BACH2: variants seen among roughly 807,000 people sequenced by gnomAD.
BACH2 encodes transcription regulator protein BACH2.
In BACH2, 5 loss-of-function variants were observed where a neutral mutation model predicts 61.8. The observed-to-expected ratio is 0.08, with a 90% CI of 0.04 to 0.17. BACH2 has a LOEUF of 0.17. BACH2 is among the 10% of genes least tolerant of loss of function. BACH2 has a pLI of 1.00. For missense variants in BACH2, 824 were observed against 1,091.1 expected (o/e 0.76, Z 3.45); for synonymous variants, 446 against 440.1 (o/e 1.01, Z -0.17).
chr6:90,119,169 T>C (rs1783523767), intron 4 of BACH2, among the ~76,000 whole-genome samples: 1 of 152,244 alleles, frequency 6.6e-6, no homozygotes, highest in Non-Finnish European at 1.5e-5. Context: ...TCCATGTGCC[T>C]ATGACATTTG....
chr6:89,951,836 C>T lies in BACH2; in HGVS notation c.270G>A (p.Leu90=), dbSNP rs182328044. The part of the protein sequence containing the change: ...EEVTARGFGP[L]LQFAYTAKLL... Reference sequence around the variant, plus strand: ...GCTTGGCAGTGTAGGCAAACTGTAACAGCGGCCCAAAGCCCCTGGCTGTGA... The same window carrying T: ...GCTTGGCAGTGTAGGCAAACTGTAATAGCGGCCCAAAGCCCCTGGCTGTGA... The change falls in exon 7 of 9, where the codon CTG becomes CTA. Residue 90 remains leucine (L), a synonymous_variant. Transcript: ENST00000257749. The surrounding 1 kb of genome is among the most constrained non-coding windows in gnomAD (Gnocchi z 6.4). 1.2e-6 allele frequency: 2 copies of T among 1,613,056 alleles called. No individual in the cohort carries two copies. The highest frequency in any genetic ancestry group is 3.3e-5 in the Admixed American group (2 of 60,018).
At chr6:89,993,732 T>A (rs1776702027) in intron 6 of BACH2, among the ~76,000 whole-genome samples, 1 of 151,716 alleles carries the variant, frequency 6.6e-6, no homozygotes, top group Non-Finnish European at 1.5e-5. Context: ...GACATGTGGA[T>A]AGGGAGGAAG....
rs924012328 is a variant in BACH2, at chr6:89,986,515, A to G, written c.243+22087T>C. ...AAGAATTGTAGTGAATGATTTTTTT[A>G]AAGTTTTCTTTTAATTTTTATAATG... On this transcript the variant is annotated intron_variant, in intron 6 of 8. Coordinates refer to ENST00000257749, the MANE Select transcript of BACH2 (RefSeq NM_021813.4). Among the ~76,000 whole-genome samples, 4 of 152,154 alleles carry G rather than the reference A, an allele frequency of 2.6e-5. No individual in the cohort carries two copies. In the South Asian group the frequency reaches 6.2e-4, roughly 24 times the overall value.
intron 5 of BACH2, among the ~76,000 whole-genome samples, chr6:90,030,177 G>T (rs180869005): frequency 6.6e-6 from 1 of 151,996 alleles, no homozygotes; most frequent in African/African-American, 2.4e-5. Flanking sequence ...TTATGTCCAC[G>T]GCCTATCTCA....
At chr6:90,155,329 T>C (rs975185589) in intron 4 of BACH2, among the ~76,000 whole-genome samples, 1 of 152,208 alleles carries the variant, frequency 6.6e-6, no homozygotes, top group Non-Finnish European at 1.5e-5. Flanking sequence ...GCTAGTTATG[T>C]TTAACTATAA....
At chr6:90,160,574 T>C (rs1785157349) in intron 4 of BACH2, among the ~76,000 whole-genome samples, 1 of 152,210 alleles carries the variant, frequency 6.6e-6, no homozygotes, top group Non-Finnish European at 1.5e-5. Context: ...AAAAATAAAC[T>C]AAATGGGAAT....
intron 1 of BACH2, among the ~76,000 whole-genome samples, chr6:90,276,512 G>A (rs1255019664): frequency 1.3e-5 from 2 of 152,196 alleles, no homozygotes; most frequent in African/African-American, 2.4e-5. Flanking sequence ...CAGACAGGTT[G>A]CCTCTGGATA....
At chr6:90,245,758 CAA>C (rs1770613228) in intron 3 of BACH2, among the ~76,000 whole-genome samples, 1 of 152,068 alleles carries the variant, frequency 6.6e-6, no homozygotes, top group South Asian at 2.1e-4. Context: ...GAATTTGAAA[CAA>C]GAGAAGTCTG....
intron 6 of BACH2, among the ~76,000 whole-genome samples, chr6:89,964,592 T>C (rs1235710852): frequency 6.6e-6 from 1 of 152,208 alleles, no homozygotes. Flanking sequence ...TTTAGCCAGA[T>C]TACGACCCGA....
chr6:90,038,172 G>A (rs1779355780), intron 5 of BACH2, among the ~76,000 whole-genome samples: 2 of 152,140 alleles, frequency 1.3e-5, no homozygotes, highest in African/African-American at 4.8e-5. Flanking sequence ...TTTGGTAATT[G>A]TTTTAAACAA....
In BACH2 at chr6:90,083,321, A is replaced by T. The variant is rs562534838; in HGVS notation, c.-13+5640T>A. On this transcript the variant is annotated intron_variant, in intron 5 of 8. Coordinates refer to ENST00000257749, the MANE Select transcript of BACH2 (RefSeq NM_021813.4). ...GCAGCTTTATAATAAAACATAGATTATTTGGAGACTCACGACTCAGAGAAT... is the reference window on the plus strand; with the variant it reads ...GCAGCTTTATAATAAAACATAGATTTTTTGGAGACTCACGACTCAGAGAAT... Among the ~76,000 whole-genome samples the T allele has an allele frequency of 1.2e-4, 19 of 152,330 alleles. 1 individual carries two copies. The South Asian group carries it at 3.9e-3, about 32-fold the overall frequency.
intron 4 of BACH2, among the ~76,000 whole-genome samples, chr6:90,108,037 AG>A (rs1050275042): frequency 1.3e-5 from 2 of 152,194 alleles, no homozygotes; most frequent in African/African-American, 4.8e-5. Context: ...ATATAAGACA[AG>A]AGGATGTTAA....
At chr6:90,161,086 C>CAAAAAA (rs11390042) in intron 4 of BACH2, among the ~76,000 whole-genome samples, 1 of 105,220 alleles carries the variant, frequency 9.5e-6, no homozygotes, top group African/African-American at 3.5e-5. Flanking sequence ...GACTCCGTCT[C>CAAAAAA]AAAAAAAAAA....
intron 4 of BACH2, among the ~76,000 whole-genome samples, chr6:90,111,273 C>T (rs1467596984): frequency 2.0e-5 from 3 of 152,162 alleles, no homozygotes; most frequent in Non-Finnish European, 4.4e-5. Flanking sequence ...ATCTCTCTCC[C>T]GGGCTTGCAA....
chr6:89,928,234 C>G lies in BACH2; in HGVS notation c.*4174G>C, dbSNP rs1428011510. On this transcript the variant is annotated 3_prime_UTR_variant, in exon 9 of 9. Coordinates refer to ENST00000257749, the MANE Select transcript of BACH2 (RefSeq NM_021813.4). The stretch of plus-strand genomic sequence containing the variant: ...TCTGAGACTCCTCCTAAACTGTAAG[C>G]AATAGTGAAGCAGTTTGAAGTCATT... 2.0e-5 allele frequency: 3 copies of G among 152,338 alleles called. No individual in the cohort carries two copies. The highest frequency in any genetic ancestry group is 2.9e-5 in the Non-Finnish European group (2 of 68,032). 9.4% of individuals were successfully genotyped at this position (152,338 alleles called of 1,614,324 possible). A position where few individuals can be genotyped will look rare whatever the true frequency, so the allele number is the denominator to read the frequency against.
chr6:90,178,357 G>C (rs1768047291), intron 4 of BACH2, among the ~76,000 whole-genome samples: 1 of 151,958 alleles, frequency 6.6e-6, no homozygotes, highest in South Asian at 2.1e-4. Context: ...CAAACAAACA[G>C]CTGAATCCTA....
At chr6:90,271,401 GGAAAAGAAAAAAAAA>G (rs1291634490) in intron 2 of BACH2, among the ~76,000 whole-genome samples, 148 of 144,662 alleles carry the variant, frequency 1.0e-3, no homozygotes, top group African/African-American at 3.7e-3. Flanking sequence ...AAAAAAGAAA[GGAAAAGAAAAAAAAA>G]GAAAAGAAAA....
intron 3 of BACH2, among the ~76,000 whole-genome samples, chr6:90,223,983 G>A (rs1032216187): frequency 3.9e-5 from 6 of 152,122 alleles, no homozygotes; most frequent in African/African-American, 1.4e-4. Flanking sequence ...AAGCTGACAT[G>A]AACATAACAA....
At chr6:90,218,309 G>C (rs1439157153) in intron 3 of BACH2, 1 of 152,162 alleles carries the variant, frequency 6.6e-6, no homozygotes, top group African/African-American at 2.4e-5. Flanking sequence ...ACAGAGGCAA[G>C]CTGCTGGAGG....
Sources: gnomAD v4.1 joint callset for allele counts (sites outside exome capture counted in the v4.1 genomes callset) on GRCh38, gnomAD v4.1.1 for gene constraint, Gnocchi (gnomAD v3.1) non-coding constraint, MANE v1.5 for transcripts, NCBI Gene and HGNC (gene_info 2026-07-23, HGNC 2026-07-21) for gene names.